The following HERC2 variants were observed in gnomAD, a reference collection of about 807,000 sequenced individuals.
HERC2 encodes the protein HECT and RLD domain containing E3 ubiquitin protein ligase 2.
HERC2 carries 102 observed loss-of-function variants against 537.7 expected under a neutral mutation model. The ratio of observed to expected loss-of-function variants is 0.19; its 90% confidence interval spans 0.16 to 0.22. The LOEUF is 0.22. HERC2 is among the 10% of genes least tolerant of loss of function. The pLI is 1.00. For synonymous variants in HERC2, 2,224 were observed against 2,466.2 expected (o/e 0.90, Z 2.91); for missense variants, 4,236 against 6,198.2 (o/e 0.68, Z 10.63).
chr15:28,276,806 C>T (rs1049668329), intron 5 of HERC2, among the ~76,000 whole-genome samples: 1 of 151,784 alleles, frequency 6.6e-6, no homozygotes, highest in Non-Finnish European at 1.5e-5. Context: ...CATGCAATGA[C>T]CCCTTTGGGA....
At position 28,135,536 on chromosome 15, in the gene HERC2, C is replaced by T; in HGVS notation, c.12172G>A (p.Gly4058Arg). The T allele has an allele frequency of 6.2e-7, 1 of 1,614,226 alleles. No individual in the cohort carries two copies. Among genetic ancestry groups the T allele is most frequent in the Non-Finnish European group, 8.5e-7 (1 of 1,180,038 alleles). Residue 4058 changes from glycine to arginine, a missense_variant, in exon 79 of 93, where the codon GGA (glycine) becomes AGA (arginine). By Grantham distance (125) the Gly-to-Arg change is moderately radical. Around this residue, in one of 27 missense-constraint regions of HERC2, gnomAD observed 43 missense variants for 82.6 expected, o/e 0.52. Coordinates refer to ENST00000261609, the MANE Select transcript of HERC2 (RefSeq NM_004667.6). ...GCCTCACCCCAAGAGTAAACTTCTC[C>T]TTCTGAAGACAGGGCAAGGCAGTGC... is the stretch of plus-strand genomic sequence containing the variant. ...GKHCLALSSE[G>R]EVYSWGEAED...
intron 11 of HERC2, 114 bp downstream of exon 11, chr15:28,269,134 C>T (rs2240201): frequency 1.3e-6 from 1 of 752,188 alleles, no homozygotes; most frequent in African/African-American, 1.8e-5. Flanking sequence ...ATAAACAGAA[C>T]TTTGTCAATC....
In HERC2 at chr15:28,257,220, G is replaced by A. The variant is rs1285431981; in HGVS notation, c.2358C>T (p.Leu786=). The change falls in exon 17 of 93, where the codon CTC becomes CTT. Residue 786 remains leucine (L), a synonymous_variant. Transcript: ENST00000261609. ...AGATGTCCACCACAAAAGGGACACG[G>A]AGGCCAATGGACCACTCAGAACATG... ...WSSCSEWSIG[L]RVPFVVDICS... 1.2e-6 allele frequency: 2 copies of A among 1,613,804 alleles called. No individual in the cohort carries two copies. The highest frequency in any genetic ancestry group is 4.5e-5 in the East Asian group (2 of 44,882).
In HERC2 at chr15:28,270,781, G is replaced by C; in HGVS notation, c.1171C>G (p.Gln391Glu). The C allele has an allele frequency of 1.2e-6, 2 of 1,613,966 alleles. No individual in the cohort carries two copies. Among genetic ancestry groups the C allele is most frequent in the Non-Finnish European group, 1.7e-6 (2 of 1,179,854 alleles). Residue 391 changes from glutamine to glutamate, a missense_variant, in exon 10 of 93, where the codon CAA becomes GAA. By Grantham distance (29) the Gln-to-Glu change is conservative. Around this residue, in one of 27 missense-constraint regions of HERC2, gnomAD observed 491 missense variants for 559.3 expected, o/e 0.88. Transcript: ENST00000261609. ...QDNELAIDLRQTAVVVMAHLD... is the reference protein window; with the variant it reads ...QDNELAIDLRETAVVVMAHLD... ...TGGGCCATGACAACAACCGCCGTTT[G>C]TCGCAGATCAATGGCAAGCTCGTTG...
At chr15:28,270,965 C>T (rs1596360208) in intron 9 of HERC2, 97 bp from the exon 10 acceptor site, 7 of 960,494 alleles carry the variant, frequency 7.3e-6, no homozygotes, top group Admixed American at 2.2e-5. Flanking sequence ...GGTATTGACT[C>T]ATTTGACCCA....
intron 35 of HERC2, among the ~76,000 whole-genome samples, chr15:28,225,128 C>A (rs1361028569): frequency 6.6e-6 from 1 of 152,190 alleles, no homozygotes; most frequent in Non-Finnish European, 1.5e-5. Flanking sequence ...TGCCTCACAC[C>A]TGTAATCCCA....
chr15:28,249,034 A>G (rs1904003301), intron 20 of HERC2, among the ~76,000 whole-genome samples: 1 of 152,258 alleles, frequency 6.6e-6, no homozygotes, highest in African/African-American at 2.4e-5. Context: ...CTTCCAAAGG[A>G]ATACTTCCAC....
chr15:28,250,613 G>C (rs200386488), intron 20 of HERC2, among the ~76,000 whole-genome samples: 1 of 152,158 alleles, frequency 6.6e-6, no homozygotes, highest in African/African-American at 2.4e-5. Context: ...TCTGAAATAC[G>C]TTTCACGGCT....
At chr15:28,246,185 T>A in intron 22 of HERC2, 119 bp from the exon 23 acceptor site, 1 of 651,992 alleles carries the variant, frequency 1.5e-6, no homozygotes, top group Non-Finnish European at 2.5e-6. Flanking sequence ...TCCTTTAGCA[T>A]ATTTCTAAAG....
Position 28,246,840 on chromosome 15 carries a change from G to A in HERC2, c.3293C>T (p.Thr1098Met), listed in dbSNP as rs769636803. ...LLKKYTALLC[T>M]HIGDILPVAA... Reference sequence around the variant, plus strand: ...CACAGGCAGTATATCTCCAATGTGCGTGCACAGGAGGGCTGTGTACTTCTT... The same window carrying A: ...CACAGGCAGTATATCTCCAATGTGCATGCACAGGAGGGCTGTGTACTTCTT... The change falls in exon 22 of 93, where the codon ACG (threonine) becomes ATG (methionine). Residue 1098 changes from threonine to methionine, a missense_variant. Coordinates refer to ENST00000261609, the MANE Select transcript of HERC2 (RefSeq NM_004667.6). 2.1e-5 allele frequency: 34 copies of A among 1,611,866 alleles called. No individual in the cohort carries two copies. Among genetic ancestry groups the A allele is most frequent in the Non-Finnish European group, 2.9e-5 (34 of 1,179,096 alleles).
chr15:28,144,562 G>T, intron 72 of HERC2, 111 bp downstream of exon 72: 1 of 1,455,828 alleles, frequency 6.9e-7, no homozygotes, highest in Non-Finnish European at 9.5e-7. Context: ...CTCCAACACA[G>T]CAGAAGGCAG....
In HERC2 at chr15:28,152,935, T is replaced by C. The variant is rs573162874; in HGVS notation, c.10747-105A>G. The C allele has an allele frequency of 4.1e-5, 47 of 1,151,830 alleles. No homozygotes were observed. In the African/African-American group the frequency reaches 5.3e-4, roughly 13 times the overall value. The allele number at this position is 1,151,830 out of a possible 1,614,324, so 71.4% of individuals were successfully genotyped here. Reference sequence around the variant, plus strand: ...GCTCAGGAGCTCCACAAGGACAGCGTGGCAGAGTGGAGGGCTTGGAGTTTG... The same window carrying C: ...GCTCAGGAGCTCCACAAGGACAGCGCGGCAGAGTGGAGGGCTTGGAGTTTG... On this transcript the variant is annotated intron_variant, in intron 69 of 92. Coordinates refer to ENST00000261609, the MANE Select transcript of HERC2 (RefSeq NM_004667.6).
chr15:28,174,890 A>G (rs1895101739), intron 64 of HERC2, among the ~76,000 whole-genome samples: 1 of 152,104 alleles, frequency 6.6e-6, no homozygotes, highest in African/African-American at 2.4e-5. Context: ...TGCAAGACAC[A>G]CAGAAGGTCC....
In HERC2 at chr15:28,318,550, C is replaced by T. The variant is rs569663279; in HGVS notation, c.72+2812G>A. ...GGCTGAGGCAGGAGAATGGCATGAA[C>T]CCAGGAGGCTTGCAGTGAGCCAAGA... On this transcript the variant is annotated intron_variant, in intron 2 of 92. Coordinates refer to ENST00000261609, the MANE Select transcript of HERC2 (RefSeq NM_004667.6). Among the ~76,000 whole-genome samples the T allele has an allele frequency of 3.5e-3, 533 of 152,018 alleles. 5 individuals are homozygous for T. The highest frequency in any genetic ancestry group is 0.012 in the African/African-American group (507 of 41,496).
In HERC2 at chr15:28,260,901, TG is replaced by T; in HGVS notation, c.2191del (p.His731ThrfsTer17). On this transcript the variant is annotated frameshift_variant, in exon 16 of 93. Transcript: ENST00000261609. LOFTEE classifies it high-confidence loss of function. ...GCACTGGTCGTTGCTCCCCCAGCTG[TG>T]GACCTCGCTGTCCTCAGTCAGAGCC... ...CLALTEDSEV[H>X]SWGSNDQCQH... 6.2e-7 allele frequency: 1 copy of T among 1,614,188 alleles called. No homozygotes were observed. Among genetic ancestry groups the T allele is most frequent in the Non-Finnish European group, 8.5e-7 (1 of 1,180,024 alleles).
At chr15:28,279,873 A>C (rs560873599) in intron 5 of HERC2, among the ~76,000 whole-genome samples, 195 bp downstream of exon 5, 1 of 152,346 alleles carries the variant, frequency 6.6e-6, no homozygotes, top group East Asian at 1.9e-4. Context: ...CAGATTACAC[A>C]GCATGGTCTA....
Position 28,196,535 on chromosome 15 carries a change from G to C in HERC2, c.8046C>G (p.Asp2682Glu). 6.2e-7 allele frequency: 1 copy of C among 1,613,260 alleles called. No homozygotes were observed. Among genetic ancestry groups the C allele is most frequent in the South Asian group, 1.1e-5 (1 of 91,056 alleles). The part of the protein sequence containing the change: ...FSANGKDIIV[D>E]FPQQSHWTGL... Reference sequence around the variant, plus strand: ...CAGTCCAGTGAGACTGCTGGGGAAAGTCGACAATGATATCTTTTCCATTGG... The same window carrying C: ...CAGTCCAGTGAGACTGCTGGGGAAACTCGACAATGATATCTTTTCCATTGG... The change falls in exon 51 of 93, where the codon GAC becomes GAG. Residue 2682 changes from aspartate (D) to glutamate (E), a missense_variant. Around this residue, in one of 27 missense-constraint regions of HERC2, gnomAD observed 606 missense variants for 884.5 expected, o/e 0.69. Coordinates refer to ENST00000261609, the MANE Select transcript of HERC2 (RefSeq NM_004667.6).
rs1394506064 is a variant in HERC2, at chr15:28,190,962, T to G, written c.8649+3A>C. On this transcript the variant is annotated splice_donor_region_variant and intron_variant, in intron 55 of 92. Coordinates refer to ENST00000261609, the MANE Select transcript of HERC2 (RefSeq NM_004667.6). ...CAAATGGAACACTAGCATAGCTACT[T>G]ACCTCTGTGCAGTCATTCAGAAGGG... 1 of 1,584,022 alleles carries G rather than the reference T, an allele frequency of 6.3e-7. No individual in the cohort carries two copies. Among genetic ancestry groups the G allele is most frequent in the East Asian group, 2.2e-5 (1 of 44,734 alleles).
Position 28,179,137 on chromosome 15 carries a change from C to A in HERC2, c.9019+5G>T, listed in dbSNP as rs954181566. 3 of 1,610,132 alleles carry A rather than the reference C, an allele frequency of 1.9e-6. No individual in the cohort carries two copies. The highest frequency in any genetic ancestry group is 2.5e-6 in the Non-Finnish European group (3 of 1,178,450). On this transcript the variant is annotated splice_donor_5th_base_variant and intron_variant, in intron 58 of 92. Transcript: ENST00000261609. ...AAAAATTTTTTAAGATTAGAATAAT[C>A]ATACCTGCAAACAAACTTTTAGATC...
Sources: allele counts gnomAD v4.1 joint callset (sites outside exome capture counted in the v4.1 genomes callset), GRCh38; gene constraint gnomAD v4.1.1; regional missense constraint gnomAD v4.1.1; transcripts MANE v1.5; gene names NCBI Gene and HGNC (gene_info 2026-07-23, HGNC 2026-07-21).